Variants in SMARCA4 observed in about 807,000 individuals in gnomAD.
The protein encoded by SMARCA4 is SWI/SNF-related matrix-associated actin-dependent regulator of chromatin subfamily A member 4.
SMARCA4 carries 31 observed loss-of-function variants against 193.9 expected under a neutral mutation model. That is an observed-to-expected ratio of 0.16 (90% CI 0.12 to 0.22). The LOEUF is 0.22. Among genes scored for constraint, SMARCA4 ranks in the 10% least tolerant of loss-of-function variants. The probability of loss-of-function intolerance (pLI) is 1.00; values close to 1 mark genes in which losing one functional copy is unlikely to be tolerated. For missense variants in SMARCA4, 1,148 were observed against 2,296.0 expected (o/e 0.50, Z 10.22); for synonymous variants, 942 against 933.1 (o/e 1.01, Z -0.17).
chr19:11,057,350 C>T (rs1448188696), intron 30 of SMARCA4, among the ~76,000 whole-genome samples: 2 of 152,194 alleles, frequency 1.3e-5, no homozygotes, highest in Non-Finnish European at 1.5e-5. Context: ...AGCATCTCAT[C>T]ACTGCCGCTG....
At chr19:11,035,865 G>C (rs764020312) in intron 29 of SMARCA4, among the ~76,000 whole-genome samples, 1 of 152,230 alleles carries the variant, frequency 6.6e-6, no homozygotes, top group Non-Finnish European at 1.5e-5. Context: ...CCCCTTCCCA[G>C]CTCAGGGGCT....
intron 1 of SMARCA4, among the ~76,000 whole-genome samples, chr19:10,982,588 C>T (rs933541391): frequency 6.6e-6 from 1 of 152,080 alleles, no homozygotes; most frequent in Non-Finnish European, 1.5e-5. Context: ...CAAGCGCCGC[C>T]TCCTGGGTTC....
rs79633492 is a variant in SMARCA4, at chr19:10,976,753, C to CAAA, written c.-31-7354_-31-7352dup. On this transcript the variant is annotated intron_variant, in intron 1 of 34. Coordinates refer to ENST00000344626, the MANE Select transcript of SMARCA4 (RefSeq NM_003072.5). ...TGGGAGACAGAGCGAGACCCTGTCTCAAAAAAAAAAAAAAAATTGGGCCGG... is the reference window on the plus strand; with the variant it reads ...TGGGAGACAGAGCGAGACCCTGTCTCAAAAAAAAAAAAAAAAAAATTGGGCCGG... Among the ~76,000 whole-genome samples, 3,978 of 125,164 alleles carry CAAA rather than the reference C, an allele frequency of 0.032. 282 individuals carry two copies. In the East Asian group the frequency reaches 0.33, roughly 10 times the overall value. The allele number at this position is 125,164 out of a possible 152,430, so 82.1% of individuals were successfully genotyped here.
intron 8 of SMARCA4, 152 bp downstream of exon 8, chr19:10,991,475 T>C (rs1600027085): frequency 3.1e-6 from 4 of 1,279,608 alleles, no homozygotes; most frequent in Admixed American, 2.1e-5. Context: ...GTACTGAGAG[T>C]GTATTGGTGT....
At position 11,033,586 on chromosome 19, in the gene SMARCA4, G is replaced by GC. The variant is rs2075074531; in HGVS notation, c.3774+69_3774+70insC. 7.8e-7 allele frequency: 1 copy of GC among 1,284,230 alleles called. No homozygotes were observed. Among genetic ancestry groups the GC allele is most frequent in the East Asian group, 2.3e-5 (1 of 43,190 alleles). 79.6% of individuals were successfully genotyped at this position (1,284,230 alleles called of 1,614,324 possible). ...GGACGCGTGAGCGGCTTTCATTTTTGTTTTTTTACCTTTTTTGCACTCTTA... is the reference window on the plus strand; with the variant it reads ...GGACGCGTGAGCGGCTTTCATTTTTGCTTTTTTTACCTTTTTTGCACTCTTA... On this transcript the variant is annotated intron_variant, in intron 26 of 34. Transcript: ENST00000344626. The surrounding 1 kb of genome is among the most constrained non-coding windows in gnomAD (Gnocchi z 9.8).
At chr19:10,975,386 A>C (rs1211202080) in intron 1 of SMARCA4, among the ~76,000 whole-genome samples, 1 of 142,492 alleles carries the variant, frequency 7.0e-6, no homozygotes, top group Non-Finnish European at 1.5e-5. Context: ...ATCTTGGCTC[A>C]CTGCAACCTC....
At chr19:11,028,680 C>A (rs960216999) in intron 24 of SMARCA4, among the ~76,000 whole-genome samples, 4 of 152,246 alleles carry the variant, frequency 2.6e-5, no homozygotes, top group African/African-American at 9.6e-5. Flanking sequence ...TGTTTCTGCG[C>A]CTGCCTGCCC....
chr19:11,034,189 G>A lies in SMARCA4; in HGVS notation c.3940G>A (p.Asp1314Asn), dbSNP rs2146679515. 1 of 1,613,686 alleles carries A rather than the reference G, an allele frequency of 6.2e-7. No homozygotes were observed. Reference protein sequence around the residue: ...QMIARHEEEFDLFMRMDLDRR... With the variant: ...QMIARHEEEFNLFMRMDLDRR... ...GATCGCCCGGCACGAGGAGGAGTTT[G>A]ATCTGTTCATGGTAAGCGCTGCAGG... Residue 1314 changes from aspartate to asparagine, a missense_variant, in exon 28 of 35, where the codon GAT becomes AAT. By Grantham distance (23) the Asp-to-Asn change is conservative (BLOSUM62 1). Coordinates refer to ENST00000344626, the MANE Select transcript of SMARCA4 (RefSeq NM_003072.5). This position sits in a 1 kb window ranked among gnomAD's most constrained non-coding sequence, Gnocchi z 7.0.
intron 13 of SMARCA4, among the ~76,000 whole-genome samples, chr19:11,005,626 G>A (rs973824967): frequency 3.3e-5 from 5 of 152,162 alleles, no homozygotes; most frequent in African/African-American, 1.2e-4. Flanking sequence ...ACCTCCATTA[G>A]CAGTGCCACT....
At chr19:11,053,627 G>T (rs1302941429) in intron 30 of SMARCA4, among the ~76,000 whole-genome samples, 1 of 152,082 alleles carries the variant, frequency 6.6e-6, no homozygotes, top group African/African-American at 2.4e-5. Context: ...TATTTACACT[G>T]AGCTGAGCGC....
At chr19:11,026,470 G>A in intron 23 of SMARCA4, 124 bp downstream of exon 23, 1 of 667,170 alleles carries the variant, frequency 1.5e-6, no homozygotes, top group East Asian at 2.9e-5. Flanking sequence ...AGAAAATACA[G>A]AAGAATCCAA....
intron 29 of SMARCA4, chr19:11,039,419 A>G (rs1464027389): frequency 7.9e-7 from 1 of 1,265,678 alleles, no homozygotes. Context: ...CACGTTGTGC[A>G]CTGAAACACT....
intron 1 of SMARCA4, among the ~76,000 whole-genome samples, chr19:10,968,341 T>A (rs2084400685): frequency 6.6e-6 from 1 of 152,142 alleles, no homozygotes; most frequent in African/African-American, 2.4e-5. Context: ...TTTTGGGGAC[T>A]CTGTTACCTC....
At chr19:11,009,007 CTTTTTT>C (rs762148337) in intron 14 of SMARCA4, among the ~76,000 whole-genome samples, 61 of 40,946 alleles carry the variant, frequency 1.5e-3, no homozygotes, top group Middle Eastern at 0.042. Flanking sequence ...ATAAAAGTCA[CTTTTTT>C]TTTTTTTTTT....
At chr19:11,055,291 G>A (rs1380895526) in intron 30 of SMARCA4, among the ~76,000 whole-genome samples, 1 of 152,168 alleles carries the variant, frequency 6.6e-6, no homozygotes, top group East Asian at 1.9e-4. Context: ...CCAGGTTCAG[G>A]TGATTCTCCT....
Position 11,000,444 on chromosome 19 carries a change from C to T in SMARCA4, c.1813-2585C>T, listed in dbSNP as rs564750716. 1.8e-4 allele frequency among the ~76,000 whole-genome samples: 28 copies of T among 152,170 alleles called. 1 individual carries two copies. The South Asian group carries it at 5.6e-3, about 30-fold the overall frequency. On this transcript the variant is annotated intron_variant, in intron 11 of 34. Coordinates refer to ENST00000344626, the MANE Select transcript of SMARCA4 (RefSeq NM_003072.5). ...TCGAGAGGCTGAGGTAGGGGGATAA[C>T]TTAGCCCAGGAGGTCCAGGCTGCAG...
At position 10,986,621 on chromosome 19, in the gene SMARCA4, T is replaced by C; in HGVS notation, c.760+28T>C. On this transcript the variant is annotated intron_variant, in intron 4 of 34. Coordinates refer to ENST00000344626, the MANE Select transcript of SMARCA4 (RefSeq NM_003072.5). This position sits in a 1 kb window ranked among gnomAD's most constrained non-coding sequence, Gnocchi z 6.7. The stretch of plus-strand genomic sequence containing the variant: ...AAGACTGGCTGCCCTGGCCCTCAGG[T>C]GTCTCAGAGCGAATGGCTGGGGCGT... 6.5e-7 allele frequency: 1 copy of C among 1,535,146 alleles called. No homozygotes were observed. The highest frequency in any genetic ancestry group is 8.7e-7 in the Non-Finnish European group (1 of 1,146,708).
intron 19 of SMARCA4, among the ~76,000 whole-genome samples, chr19:11,023,087 G>T (rs959939394): frequency 2.6e-5 from 4 of 152,194 alleles, no homozygotes; most frequent in African/African-American, 9.6e-5. Flanking sequence ...GGGGCTCCCG[G>T]TGGCAGAGCC....
intron 15 of SMARCA4, chr19:11,012,415 T>A (rs117819913): frequency 0.047 from 8,395 of 178,986 alleles, 266 homozygotes; most frequent in Middle Eastern, 0.086. Context: ...ACTTCCTCAA[T>A]CCATTACGAA....
Sources: allele counts gnomAD v4.1 joint callset (sites outside exome capture counted in the v4.1 genomes callset), GRCh38; gene constraint gnomAD v4.1.1; non-coding constraint Gnocchi (gnomAD v3.1); transcripts MANE v1.5; gene names NCBI Gene and HGNC (gene_info 2026-07-23, HGNC 2026-07-21).